PRKCZ: variants seen among roughly 807,000 people sequenced by gnomAD.
PRKCZ encodes the protein protein kinase C zeta type.
Under a neutral mutation model 79.5 loss-of-function variants are expected in PRKCZ, and 33 were observed. The ratio of observed to expected loss-of-function variants is 0.41; its 90% CI spans 0.31 to 0.55. The LOEUF (loss-of-function observed/expected upper bound fraction) is 0.55, where lower values mean the gene tolerates loss of function less well. Among genes scored for constraint, PRKCZ ranks in the 20% least tolerant of loss-of-function variants. PRKCZ has a pLI of 0.19. For missense variants in PRKCZ, 578 were observed against 813.5 expected (o/e 0.71, Z 3.52); for synonymous variants, 342 against 320.9 (o/e 1.07, Z -0.70).
chr1:2,071,725 T>C (rs1001898794), intron 4 of PRKCZ, among the ~76,000 whole-genome samples: 4 of 152,156 alleles, frequency 2.6e-5, no homozygotes, highest in Admixed American at 6.5e-5. Flanking sequence ...GAGCCGGCCG[T>C]CTGTGTGAAG....
chr1:2,123,190 C>T (rs111214355), intron 4 of PRKCZ, among the ~76,000 whole-genome samples: 2 of 2,884 alleles, frequency 6.9e-4, no homozygotes, highest in Non-Finnish European at 5.4e-4. Context: ...GTTAGGGTCA[C>T]GGTGGTGGTT....
chr1:2,105,774 G>C (rs1479555112), intron 4 of PRKCZ, among the ~76,000 whole-genome samples: 1 of 152,226 alleles, frequency 6.6e-6, no homozygotes, highest in Admixed American at 6.5e-5. Flanking sequence ...AGGAGGAGCA[G>C]GGTGGCTGCG....
chr1:2,138,117 C>T (rs915542255), intron 5 of PRKCZ, among the ~76,000 whole-genome samples: 9 of 152,240 alleles, frequency 5.9e-5, no homozygotes, highest in African/African-American at 2.2e-4. Flanking sequence ...CTCAGATCAC[C>T]TCTGCTGTCA....
At chr1:2,132,437 GA>G (rs1429437941) in intron 4 of PRKCZ, among the ~76,000 whole-genome samples, 3 of 152,204 alleles carry the variant, frequency 2.0e-5, no homozygotes, top group African/African-American at 7.2e-5. Flanking sequence ...TCTGAGCTGC[GA>G]GGCTCTCCCA....
chr1:2,106,511 C>CT (rs537943741), intron 4 of PRKCZ, among the ~76,000 whole-genome samples: 1,288 of 60,176 alleles, frequency 0.021, 48 homozygotes, highest in African/African-American at 0.026. Context: ...CCAGGTAACT[C>CT]TCAGCAAGCC....
At chr1:2,096,445 G>T (rs1666530029) in intron 4 of PRKCZ, among the ~76,000 whole-genome samples, 1 of 152,158 alleles carries the variant, frequency 6.6e-6, no homozygotes, top group African/African-American at 2.4e-5. Context: ...CCAGTTGGTG[G>T]TGTAGACGCC....
chr1:2,148,607 C>T (rs1353927398), intron 7 of PRKCZ, among the ~76,000 whole-genome samples: 2 of 152,228 alleles, frequency 1.3e-5, no homozygotes, highest in East Asian at 1.9e-4. Flanking sequence ...CACCAAAATC[C>T]GGTGACGAAT....
chr1:2,120,322 T>TTTTTTTTTTGTGTTG (rs1671639135), intron 4 of PRKCZ, among the ~76,000 whole-genome samples: 1 of 140,040 alleles, frequency 7.1e-6, no homozygotes, highest in Non-Finnish European at 1.5e-5. Flanking sequence ...TTTTTTTTTT[T>TTTTTTTTTTGTGTTG]GAGTCTCGCT....
chr1:2,159,427 G>T (rs950345687), intron 10 of PRKCZ, among the ~76,000 whole-genome samples: 1 of 152,254 alleles, frequency 6.6e-6, no homozygotes, highest in African/African-American at 2.4e-5. Context: ...CCCTTGCTGA[G>T]GGCCAGGTGA....
chr1:2,125,553 G>A lies in PRKCZ; in HGVS notation c.335-9709G>A, dbSNP rs1272485323. 6.6e-6 allele frequency among the ~76,000 whole-genome samples: 1 copy of A among 152,172 alleles called. No individual in the cohort carries two copies. The highest frequency in any genetic ancestry group is 1.5e-5 in the Non-Finnish European group (1 of 68,036). Reference sequence around the variant, plus strand: ...CCCCTGCTCCCCTGAGGAGGGAGGCGTGGGGCCCTGGGCTGGCTGCAAGAC... The same window carrying A: ...CCCCTGCTCCCCTGAGGAGGGAGGCATGGGGCCCTGGGCTGGCTGCAAGAC... On this transcript the variant is annotated intron_variant, in intron 4 of 17. Coordinates refer to ENST00000378567, the MANE Select transcript of PRKCZ (RefSeq NM_002744.6). The surrounding 1 kb of genome is among the most constrained non-coding windows in gnomAD (Gnocchi z 4.2).
intron 4 of PRKCZ, chr1:2,074,198 A>AG: frequency 6.5e-7 from 1 of 1,550,296 alleles, no homozygotes; most frequent in Non-Finnish European, 8.7e-7. Flanking sequence ...ACAGATTTTT[A>AG]GAAAAATAAG....
intron 4 of PRKCZ, among the ~76,000 whole-genome samples, chr1:2,069,171 C>G (rs143813844): frequency 6.6e-6 from 1 of 152,218 alleles, no homozygotes; most frequent in East Asian, 1.9e-4. Context: ...TCAGCCCCGC[C>G]CGGGAGAGCC....
intron 4 of PRKCZ, among the ~76,000 whole-genome samples, chr1:2,118,710 GCT>G: frequency 1.4e-5 from 1 of 73,152 alleles, no homozygotes; most frequent in East Asian, 5.2e-4. Context: ...GACCACACCA[GCT>G]CTGTGTGTGT....
At chr1:2,158,726 G>T (rs1681612634) in intron 10 of PRKCZ, among the ~76,000 whole-genome samples, 1 of 152,186 alleles carries the variant, frequency 6.6e-6, no homozygotes, top group Non-Finnish European at 1.5e-5. Context: ...CTTCCCCTGA[G>T]TGGCCCAAAG....
intron 4 of PRKCZ, among the ~76,000 whole-genome samples, chr1:2,100,464 A>AT (rs1370305172): frequency 7.9e-5 from 12 of 152,056 alleles, no homozygotes; most frequent in African/African-American, 2.9e-4. Context: ...TTTGTATCTA[A>AT]ATGCTGTGTC....
intron 4 of PRKCZ, among the ~76,000 whole-genome samples, chr1:2,114,411 A>G (rs1338569007): frequency 1.3e-5 from 2 of 152,242 alleles, no homozygotes; most frequent in African/African-American, 2.4e-5. Context: ...AAAAATAATC[A>G]AACAGCAGGT....
intron 4 of PRKCZ, among the ~76,000 whole-genome samples, chr1:2,121,712 A>G (rs1398238111): frequency 0.017 from 134 of 7,848 alleles, 18 homozygotes; most frequent in East Asian, 0.12. Context: ...TCACGGTGGT[A>G]GTTAGGGTCA....
At chr1:2,110,405 C>T (rs925751718) in intron 4 of PRKCZ, among the ~76,000 whole-genome samples, 3 of 152,248 alleles carry the variant, frequency 2.0e-5, no homozygotes, top group Non-Finnish European at 4.4e-5. Flanking sequence ...GCTTCATCCC[C>T]GGTCAGGGGG....
intron 4 of PRKCZ, among the ~76,000 whole-genome samples, chr1:2,101,806 G>A (rs1018001263): frequency 5.3e-5 from 8 of 152,338 alleles, no homozygotes; most frequent in African/African-American, 1.7e-4. Flanking sequence ...TGGCAGAGGC[G>A]TAGTGGATGC....
Sources: allele counts gnomAD v4.1 joint callset (sites outside exome capture counted in the v4.1 genomes callset), GRCh38; gene constraint gnomAD v4.1.1; non-coding constraint Gnocchi (gnomAD v3.1); transcripts MANE v1.5; gene names NCBI Gene and HGNC (gene_info 2026-07-23, HGNC 2026-07-21).